The following USP4 variants were observed in gnomAD, a reference collection of about 807,000 sequenced individuals.
The protein encoded by USP4 is ubiquitin specific peptidase 4.
In USP4, 72 loss-of-function variants were observed where a neutral mutation model predicts 118.2. The ratio of observed to expected loss-of-function variants is 0.61; its 90% CI spans 0.50 to 0.74. The LOEUF (loss-of-function observed/expected upper bound fraction) is 0.74. USP4 is among the 30% of genes least tolerant of loss of function. USP4 has a pLI of 0.00. For missense variants in USP4, 1,037 were observed against 1,185.7 expected (o/e 0.87, Z 1.84); for synonymous variants, 415 against 440.4 (o/e 0.94, Z 0.72).
At chr3:49,339,811 T>G in intron 1 of USP4, 113 bp downstream of exon 1, 1 of 807,450 alleles carries the variant, frequency 1.2e-6, no homozygotes, top group Non-Finnish European at 2.0e-6. Flanking sequence ...AGGCTACTCT[T>G]CCAGGGTCAC....
intron 14 of USP4, among the ~76,000 whole-genome samples, chr3:49,293,353 A>T (rs2047170509): frequency 6.6e-6 from 1 of 151,894 alleles, no homozygotes; most frequent in Non-Finnish European, 1.5e-5. Flanking sequence ...TCTCTACTAA[A>T]AATACAAAAA....
At chr3:49,292,102 C>A (rs1321936055) in intron 15 of USP4, among the ~76,000 whole-genome samples, 1 of 152,016 alleles carries the variant, frequency 6.6e-6, no homozygotes, top group Non-Finnish European at 1.5e-5. Flanking sequence ...CCACCACGCC[C>A]GGCCAACCCC....
At chr3:49,331,054 G>A (rs2047612795) in intron 2 of USP4, among the ~76,000 whole-genome samples, 1 of 151,804 alleles carries the variant, frequency 6.6e-6, no homozygotes, top group Non-Finnish European at 1.5e-5. Context: ...GGGCGTGGTG[G>A]CTCACACCTG....
At chr3:49,280,974 G>C (rs2047017403) in intron 19 of USP4, 127 bp from the exon 20 acceptor site, 9 of 663,756 alleles carry the variant, frequency 1.4e-5, no homozygotes, top group East Asian at 1.2e-4. Flanking sequence ...ATTCGAGAGA[G>C]ACCAAGATGG....
At chr3:49,332,316 G>A (rs999844056) in intron 2 of USP4, among the ~76,000 whole-genome samples, 1 of 151,924 alleles carries the variant, frequency 6.6e-6, no homozygotes, top group Non-Finnish European at 1.5e-5. Flanking sequence ...AAATCAGCCA[G>A]GCATGGTGGC....
intron 6 of USP4, chr3:49,317,220 G>A (rs1379316197): frequency 5.3e-6 from 8 of 1,521,150 alleles, no homozygotes; most frequent in Non-Finnish European, 7.3e-6. Context: ...TCTCCGCGAT[G>A]GTCTGGTAGA....
intron 11 of USP4, among the ~76,000 whole-genome samples, chr3:49,299,125 T>C (rs1475621547): frequency 6.6e-6 from 1 of 152,092 alleles, no homozygotes; most frequent in Non-Finnish European, 1.5e-5. Flanking sequence ...AGTCTTGCTC[T>C]GTCACACAAG....
In USP4 at chr3:49,278,250, G is replaced by T; in HGVS notation, c.*43C>A. The stretch of plus-strand genomic sequence containing the variant: ...GAGTGTCAAAGATGTTCTCCTGGGG[G>T]ATTACACTGGCGCTACAGGGTGGCA... On this transcript the variant is annotated 3_prime_UTR_variant, in exon 22 of 22. Transcript: ENST00000265560. 6.3e-7 allele frequency: 1 copy of T among 1,598,650 alleles called. No individual in the cohort carries two copies. The highest frequency in any genetic ancestry group is 8.5e-7 in the Non-Finnish European group (1 of 1,173,462).
intron 15 of USP4, among the ~76,000 whole-genome samples, chr3:49,287,401 G>A (rs974630970): frequency 2.0e-5 from 3 of 151,970 alleles, no homozygotes; most frequent in South Asian, 4.2e-4. Flanking sequence ...TGATCCGCCC[G>A]CCCCGGCTTC....
intron 6 of USP4, among the ~76,000 whole-genome samples, chr3:49,320,696 A>C (rs1348523348): frequency 2.6e-5 from 4 of 152,218 alleles, no homozygotes; most frequent in Non-Finnish European, 5.9e-5. Flanking sequence ...TAATGCTGTT[A>C]TTAGACTTCA....
In USP4 at chr3:49,277,238, G is replaced by A. The variant is rs963637150; in HGVS notation, c.*1055C>T. ...AACGGTCATCGCATGCGCGTGCCCC[G>A]CGCAGGCCCCAAACCCCCACGGATT... On this transcript the variant is annotated 3_prime_UTR_variant, in exon 22 of 22. Transcript: ENST00000265560. The A allele has an allele frequency of 9.9e-6, 13 of 1,312,148 alleles. No individual in the cohort carries two copies. The highest frequency in any genetic ancestry group is 1.2e-5 in the South Asian group (1 of 81,190). 81.3% of individuals were successfully genotyped at this position (1,312,148 alleles called of 1,614,324 possible).
intron 6 of USP4, among the ~76,000 whole-genome samples, chr3:49,321,092 G>A (rs1011013592): frequency 2.0e-5 from 3 of 152,174 alleles, no homozygotes; most frequent in East Asian, 1.9e-4. Context: ...GAGCTGCTAC[G>A]TCAGCAATGG....
Position 49,277,298 on chromosome 3 carries a change from A to G in USP4, c.*995T>C. On this transcript the variant is annotated 3_prime_UTR_variant, in exon 22 of 22. Coordinates refer to ENST00000265560, the MANE Select transcript of USP4 (RefSeq NM_003363.4). ...GTCAGACAAAAAATCCCGGACCCAT[A>G]CGTCCGGTTCCTTAAGGCCTTGCCC... 10 of 1,220,094 alleles carry G rather than the reference A, an allele frequency of 8.2e-6. No individual in the cohort carries two copies. The highest frequency in any genetic ancestry group is 9.7e-6 in the Non-Finnish European group (9 of 928,166). The allele number at this position is 1,220,094 out of a possible 1,614,324, so 75.6% of individuals were successfully genotyped here.
intron 12 of USP4, among the ~76,000 whole-genome samples, chr3:49,298,203 G>A (rs573894681): frequency 2.4e-4 from 37 of 152,356 alleles, no homozygotes; most frequent in African/African-American, 8.7e-4. Flanking sequence ...AGGGCGAGGA[G>A]TGTGGTGCTA....
At chr3:49,301,877 A>G (rs1254421854) in intron 10 of USP4, among the ~76,000 whole-genome samples, 1 of 152,140 alleles carries the variant, frequency 6.6e-6, no homozygotes, top group African/African-American at 2.4e-5. Flanking sequence ...AAAGGTATAA[A>G]TGTCCTAATG....
At chr3:49,327,617 A>G in intron 3 of USP4, 69 bp downstream of exon 3, 4 of 1,564,924 alleles carry the variant, frequency 2.6e-6, no homozygotes, top group South Asian at 1.1e-5. Flanking sequence ...CCTAGCAAAC[A>G]CTAGTCAGTG....
intron 10 of USP4, 104 bp downstream of exon 10, chr3:49,302,280 A>C: frequency 1.6e-5 from 21 of 1,274,000 alleles, no homozygotes; most frequent in Non-Finnish European, 2.0e-5. Flanking sequence ...AGAAGCAACC[A>C]GGGCCCTGGC....
intron 11 of USP4, 122 bp from the exon 12 acceptor site, chr3:49,298,757 G>T: frequency 1.2e-6 from 1 of 820,318 alleles, no homozygotes; most frequent in Non-Finnish European, 2.1e-6. Context: ...GGTGAGGTCA[G>T]GGTACAGATG....
At chr3:49,280,983 G>A in intron 19 of USP4, 136 bp from the exon 20 acceptor site, 1 of 640,390 alleles carries the variant, frequency 1.6e-6, no homozygotes, top group South Asian at 1.9e-5. Context: ...AGACCAAGAT[G>A]GAAGGGACTC....
Sources: allele counts gnomAD v4.1 joint callset (sites outside exome capture counted in the v4.1 genomes callset), GRCh38; gene constraint gnomAD v4.1.1; transcripts MANE v1.5; gene names NCBI Gene and HGNC (gene_info 2026-07-23, HGNC 2026-07-21).